KCNT2: variants seen among roughly 807,000 people sequenced by gnomAD.
KCNT2 encodes potassium channel subfamily T member 2.
In KCNT2, 67 loss-of-function variants were observed where a neutral mutation model predicts 153.8. The ratio of observed to expected loss-of-function variants is 0.44; its 90% confidence interval spans 0.36 to 0.53. The LOEUF (loss-of-function observed/expected upper bound fraction) is 0.53. Ranked by LOEUF, KCNT2 falls within the 20% of genes least tolerant of loss-of-function variation. KCNT2 has a pLI of 0.00. For missense variants in KCNT2, 975 were observed against 1,354.8 expected (o/e 0.72, Z 4.40); for synonymous variants, 500 against 458.8 (o/e 1.09, Z -1.15).
rs560054206 is a variant in KCNT2, at chr1:196,336,058, T to C, written c.1784-1998A>G. ...CCCTGCTTAAGTTAAACTCTCCATG[T>C]TCCCCATATCTATACCTATGCAACT... On this transcript the variant is annotated intron_variant, in intron 16 of 27. Coordinates refer to ENST00000294725, the MANE Select transcript of KCNT2 (RefSeq NM_198503.5). 5.9e-5 allele frequency among the ~76,000 whole-genome samples: 9 copies of C among 152,254 alleles called. 1 individual carries two copies. The South Asian group carries it at 1.2e-3, about 21-fold the overall frequency.
At chr1:196,405,666 T>C (rs1267668550) in intron 12 of KCNT2, among the ~76,000 whole-genome samples, 1 of 151,530 alleles carries the variant, frequency 6.6e-6, no homozygotes, top group African/African-American at 2.4e-5. Context: ...AAAACATTGG[T>C]TTGATCAAAG....
At chr1:196,283,012 T>C (rs562235401) in intron 23 of KCNT2, among the ~76,000 whole-genome samples, 2 of 152,290 alleles carry the variant, frequency 1.3e-5, no homozygotes, top group East Asian at 3.9e-4. Context: ...GCCTGGCTAA[T>C]TTTTGTATTT....
chr1:196,248,404 G>A (rs1293335733), intron 26 of KCNT2, among the ~76,000 whole-genome samples: 1 of 151,612 alleles, frequency 6.6e-6, no homozygotes, highest in Non-Finnish European at 1.5e-5. Context: ...CTTTTATCCA[G>A]AATAAGAAAA....
chr1:196,405,804 TA>T (rs1480973922), intron 12 of KCNT2, among the ~76,000 whole-genome samples: 2 of 151,526 alleles, frequency 1.3e-5, no homozygotes, highest in Non-Finnish European at 3.0e-5. Flanking sequence ...TTTTTAAGAT[TA>T]CTAGTATATA....
At chr1:196,352,538 G>A (rs944111904) in intron 14 of KCNT2, among the ~76,000 whole-genome samples, 1 of 152,106 alleles carries the variant, frequency 6.6e-6, no homozygotes, top group Non-Finnish European at 1.5e-5. Context: ...ATTTCTGTGG[G>A]ATCAGTGGTG....
At chr1:196,235,935 T>C in intron 27 of KCNT2, 51 bp downstream of exon 27, 3 of 1,105,788 alleles carry the variant, frequency 2.7e-6, no homozygotes, top group Middle Eastern at 2.0e-4. Flanking sequence ...CAAAAATAAA[T>C]AGTAGTTTTC....
chr1:196,601,488 T>C (rs1664717253), intron 1 of KCNT2, among the ~76,000 whole-genome samples: 1 of 152,216 alleles, frequency 6.6e-6, no homozygotes, highest in South Asian at 2.1e-4. Context: ...GGGTGTTTAA[T>C]GTCTGTGAAA....
intron 13 of KCNT2, among the ~76,000 whole-genome samples, chr1:196,383,065 A>G (rs1418266778): frequency 6.6e-6 from 1 of 152,188 alleles, no homozygotes; most frequent in Non-Finnish European, 1.5e-5. Context: ...ATGAAGTGGC[A>G]GACTAGGGAG....
rs1348319227 is a variant in KCNT2, at chr1:196,543,329, A to G, written c.96-50988T>C. 2.6e-5 allele frequency among the ~76,000 whole-genome samples: 4 copies of G among 152,138 alleles called. No individual in the cohort carries two copies. The South Asian group carries it at 6.2e-4, about 24-fold the overall frequency. ...GAGGATTCTAAAATCAGAATACTAA[A>G]GTTTAATCTCAGTAAAATGTCTTGT... On this transcript the variant is annotated intron_variant, in intron 1 of 27. Coordinates refer to ENST00000294725, the MANE Select transcript of KCNT2 (RefSeq NM_198503.5).
At chr1:196,517,484 C>A (rs1330707725) in intron 1 of KCNT2, among the ~76,000 whole-genome samples, 2 of 152,054 alleles carry the variant, frequency 1.3e-5, no homozygotes, top group African/African-American at 4.8e-5. Context: ...CACCAAGATG[C>A]AGGAGAACAG....
chr1:196,385,333 T>A (rs974993210), intron 13 of KCNT2, among the ~76,000 whole-genome samples: 1 of 152,192 alleles, frequency 6.6e-6, no homozygotes, highest in African/African-American at 2.4e-5. Flanking sequence ...TGTGGGCAAT[T>A]GTGACACAAT....
chr1:196,570,613 G>A (rs540393180), intron 1 of KCNT2, among the ~76,000 whole-genome samples: 1 of 151,986 alleles, frequency 6.6e-6, no homozygotes, highest in Non-Finnish European at 1.5e-5. Flanking sequence ...TTATAAACTG[G>A]CAGATGCAAT....
chr1:196,547,111 T>A (rs1033316669), intron 1 of KCNT2, among the ~76,000 whole-genome samples: 1 of 151,978 alleles, frequency 6.6e-6, no homozygotes, highest in Admixed American at 6.6e-5. Context: ...TTCATAAGCA[T>A]GCAAGAAGTT....
At chr1:196,450,062 T>A (rs1676024092) in intron 8 of KCNT2, among the ~76,000 whole-genome samples, 1 of 151,924 alleles carries the variant, frequency 6.6e-6, no homozygotes, top group Admixed American at 6.6e-5. Context: ...TCCATTTTAG[T>A]AATATGGTTC....
chr1:196,511,324 C>A (rs1266095060), intron 1 of KCNT2, among the ~76,000 whole-genome samples: 1 of 152,104 alleles, frequency 6.6e-6, no homozygotes, highest in African/African-American at 2.4e-5. Flanking sequence ...AGGCCAGAAA[C>A]CTTCCAAAGA....
At chr1:196,585,618 A>G (rs1426711639) in intron 1 of KCNT2, among the ~76,000 whole-genome samples, 5 of 152,122 alleles carry the variant, frequency 3.3e-5, no homozygotes, top group African/African-American at 9.7e-5. Context: ...AACATTATAG[A>G]GATCACAAAA....
intron 12 of KCNT2, among the ~76,000 whole-genome samples, chr1:196,408,923 C>G (rs908661628): frequency 1.3e-4 from 20 of 151,396 alleles, no homozygotes; most frequent in Non-Finnish European, 1.9e-4. Flanking sequence ...TCTACTGATC[C>G]CCTGCATTTT....
intron 15 of KCNT2, 96 bp downstream of exon 15, chr1:196,341,983 A>T (rs1267955531): frequency 3.1e-6 from 4 of 1,290,476 alleles, no homozygotes; most frequent in East Asian, 4.8e-5. Flanking sequence ...ATGCCTAAAC[A>T]CATGAACACA....
intron 1 of KCNT2, among the ~76,000 whole-genome samples, chr1:196,590,191 C>G (rs1419958847): frequency 6.6e-6 from 1 of 152,078 alleles, no homozygotes. Context: ...GGAATAAAGC[C>G]AAGTATACTG....
Sources: allele counts gnomAD v4.1 joint callset (sites outside exome capture counted in the v4.1 genomes callset), GRCh38; gene constraint gnomAD v4.1.1; transcripts MANE v1.5; gene names NCBI Gene and HGNC (gene_info 2026-07-23, HGNC 2026-07-21).